Variants in CNGB1 observed in about 807,000 individuals in gnomAD.
CNGB1 encodes the protein cyclic nucleotide gated channel subunit beta 1, also known as cyclic nucleotide-gated channel beta-1.
In CNGB1, 126 loss-of-function variants were observed where a neutral mutation model predicts 151.7. The observed-to-expected ratio is 0.83, with a 90% CI of 0.72 to 0.96. The LOEUF (loss-of-function observed/expected upper bound fraction) is 0.96. Ranked by LOEUF, CNGB1 falls within the 40% of genes least tolerant of loss-of-function variation. The pLI, the probability that CNGB1 is intolerant of heterozygous loss-of-function variation, is 0.00. For missense variants in CNGB1, 1,698 were observed against 1,627.0 expected, an observed-to-expected ratio of 1.04 and a Z score of -0.75; for synonymous variants, 623 against 635.1, an observed-to-expected ratio of 0.98 and a Z score of 0.29.
At chr16:57,904,995 G>T in intron 25 of CNGB1, 120 bp from the exon 26 acceptor site, 2 of 1,295,210 alleles carry the variant, frequency 1.5e-6, no homozygotes, top group Non-Finnish European at 2.2e-6. Context: ...ACCCTTTACA[G>T]CTCATCTATG....
At chr16:57,889,378 C>T (rs1960025209) in intron 31 of CNGB1, among the ~76,000 whole-genome samples, 1 of 152,134 alleles carries the variant, frequency 6.6e-6, no homozygotes, top group Non-Finnish European at 1.5e-5. Context: ...TGAGGCCAGC[C>T]ACTGGCCAAT....
At chr16:57,885,457 C>A (rs1419576317) in intron 32 of CNGB1, among the ~76,000 whole-genome samples, 1 of 152,110 alleles carries the variant, frequency 6.6e-6, no homozygotes. Flanking sequence ...CCACCCTCCC[C>A]TGTCCACCCT....
intron 17 of CNGB1, among the ~76,000 whole-genome samples, chr16:57,928,794 T>A (rs1294392719): frequency 6.6e-6 from 1 of 152,182 alleles, no homozygotes; most frequent in Non-Finnish European, 1.5e-5. Flanking sequence ...TGTGCCACCA[T>A]GCCCAGCTAA....
chr16:57,897,450 A>T lies in CNGB1; in HGVS notation c.3189T>A (p.Asn1063Lys). ...NLFILDKKDL[N>K]EILVHYPESQ... Reference sequence around the variant, plus strand: ...ACTCAGGATAATGCACCAAAATCTCATTCAGGTCCTTCTTATCCAGGATGA... The same window carrying T: ...ACTCAGGATAATGCACCAAAATCTCTTTCAGGTCCTTCTTATCCAGGATGA... Residue 1063 changes from asparagine to lysine, a missense_variant, in exon 31 of 33, where the codon AAT becomes AAA. Coordinates refer to ENST00000251102, the MANE Select transcript of CNGB1 (RefSeq NM_001297.5). The T allele has an allele frequency of 1.9e-6, 3 of 1,606,774 alleles. No homozygotes were observed. Among genetic ancestry groups the T allele is most frequent in the Non-Finnish European group, 2.6e-6 (3 of 1,173,242 alleles).
At chr16:57,921,868 TG>T (rs1489519301) in intron 18 of CNGB1, among the ~76,000 whole-genome samples, 13 of 152,280 alleles carry the variant, frequency 8.5e-5, no homozygotes, top group African/African-American at 2.4e-4. Context: ...GAGATGATGA[TG>T]GTATATGATA....
At chr16:57,919,345 C>G in intron 19 of CNGB1, 91 bp from the exon 20 acceptor site, 1 of 1,608,208 alleles carries the variant, frequency 6.2e-7, no homozygotes, top group Non-Finnish European at 8.5e-7. Context: ...ACCTTGGATC[C>G]AGATCTGAGA....
intron 17 of CNGB1, 73 bp from the exon 18 acceptor site, chr16:57,923,453 T>G (rs1202808189): frequency 8.1e-7 from 1 of 1,240,602 alleles, no homozygotes; most frequent in African/African-American, 1.5e-5. Flanking sequence ...ATGACTTTGA[T>G]CCCTAAAGAT....
Position 57,896,127 on chromosome 16 carries a change from G to A in CNGB1, c.3242+1270C>T, listed in dbSNP as rs571416477. 6.6e-5 allele frequency among the ~76,000 whole-genome samples: 10 copies of A among 152,282 alleles called. No homozygotes were observed. The East Asian group carries it at 1.7e-3, about 26-fold the overall frequency. ...GAGGAACCATCAAAGGATGCTAAAA[G>A]CAGTGGGTAAAAGTTTGACAGGGAA... On this transcript the variant is annotated intron_variant, in intron 31 of 32. Transcript: ENST00000251102.
chr16:57,906,591 G>T (rs1960557636), intron 25 of CNGB1, among the ~76,000 whole-genome samples: 1 of 152,292 alleles, frequency 6.6e-6, no homozygotes, highest in African/African-American at 2.4e-5. Context: ...AACCCAAAAC[G>T]GGCCTGTCAA....
chr16:57,915,134 C>A, intron 23 of CNGB1, 115 bp downstream of exon 23: 1 of 785,062 alleles, frequency 1.3e-6, no homozygotes, highest in East Asian at 2.5e-5. Context: ...CCCCTCGGGC[C>A]ATCCCTTGAG....
intron 13 of CNGB1, 139 bp from the exon 14 acceptor site, chr16:57,949,578 A>G (rs1299876258): frequency 1.4e-6 from 2 of 1,406,336 alleles, no homozygotes; most frequent in African/African-American, 2.8e-5. Flanking sequence ...CAACCTGGGG[A>G]GCCCCACCCG....
At chr16:57,909,223 A>G (rs1960640532) in intron 25 of CNGB1, among the ~76,000 whole-genome samples, 1 of 152,128 alleles carries the variant, frequency 6.6e-6, no homozygotes, top group Non-Finnish European at 1.5e-5. Context: ...AGCTGAGATC[A>G]TGCTGCTGTA....
At chr16:57,942,203 A>G (rs375164098) in intron 14 of CNGB1, among the ~76,000 whole-genome samples, 1 of 152,130 alleles carries the variant, frequency 6.6e-6, no homozygotes, top group Non-Finnish European at 1.5e-5. Context: ...CTTCTATTCA[A>G]TGTACTATAA....
intron 2 of CNGB1, among the ~76,000 whole-genome samples, chr16:57,966,704 G>A (rs1360554689): frequency 6.6e-6 from 1 of 152,200 alleles, no homozygotes; most frequent in East Asian, 1.9e-4. Flanking sequence ...GCTCCTGTGA[G>A]TAGCTCTGTT....
At chr16:57,885,193 G>A (rs1433555261) in intron 32 of CNGB1, among the ~76,000 whole-genome samples, 1 of 152,226 alleles carries the variant, frequency 6.6e-6, no homozygotes, top group East Asian at 1.9e-4. Flanking sequence ...AACTGGAGAG[G>A]GAGCAGCCCC....
At chr16:57,897,625 G>A in intron 30 of CNGB1, 82 bp from the exon 31 acceptor site, 6 of 1,601,188 alleles carry the variant, frequency 3.7e-6, no homozygotes, top group Non-Finnish European at 5.1e-6. Context: ...CATGTGTGGA[G>A]GACAGTGGTG....
At chr16:57,884,516 T>C (rs1044934975) in intron 32 of CNGB1, 59 bp from the exon 33 acceptor site, 4 of 1,593,280 alleles carry the variant, frequency 2.5e-6, no homozygotes, top group Non-Finnish European at 3.4e-6. Flanking sequence ...CTTGGAAGGG[T>C]CTTGGACACC....
chr16:57,903,990 A>G lies in CNGB1; in HGVS notation c.2635-9T>C. ...CCTACCACATCTCTCATCTGGGGGA[A>G]GGGTTATGGGAGGTCAAGGAAGCCA... On this transcript the variant is annotated splice_polypyrimidine_tract_variant and intron_variant, in intron 26 of 32. Transcript: ENST00000251102. 4 of 1,613,076 alleles carry G rather than the reference A, an allele frequency of 2.5e-6. No homozygotes were observed. Among genetic ancestry groups the G allele is most frequent in the East Asian group, 2.2e-5 (1 of 44,832 alleles).
At chr16:57,962,203 G>T (rs1962275459) in intron 7 of CNGB1, among the ~76,000 whole-genome samples, 1 of 152,130 alleles carries the variant, frequency 6.6e-6, no homozygotes, top group African/African-American at 2.4e-5. Context: ...ACTGAGGCCA[G>T]CCCAGGCACC....
Sources: gnomAD v4.1 joint callset for allele counts (sites outside exome capture counted in the v4.1 genomes callset) on GRCh38, gnomAD v4.1.1 for gene constraint, MANE v1.5 for transcripts, NCBI Gene and HGNC (gene_info 2026-07-23, HGNC 2026-07-21) for gene names.